The following MARK2 variants were observed in gnomAD, a reference collection of about 807,000 sequenced individuals.
MARK2 encodes serine/threonine-protein kinase MARK2.
MARK2 carries 16 observed loss-of-function variants against 89.8 expected under a neutral mutation model. That is an observed-to-expected ratio of 0.18 (90% CI 0.12 to 0.27). MARK2 has a LOEUF of 0.27. MARK2 is among the 10% of genes least tolerant of loss of function. The pLI is 1.00. For missense variants in MARK2, 621 were observed against 1,049.9 expected (o/e 0.59, Z 5.65); for synonymous variants, 382 against 399.5 (o/e 0.96, Z 0.52).
chr11:63,851,415 T>C (rs1472539676), intron 1 of MARK2, among the ~76,000 whole-genome samples: 1 of 152,030 alleles, frequency 6.6e-6, no homozygotes, highest in East Asian at 2.0e-4. Flanking sequence ...TGAGAGCTCA[T>C]CTCTAAAAAA....
chr11:63,881,385 A>T (rs1434474480), intron 1 of MARK2, among the ~76,000 whole-genome samples: 1 of 152,180 alleles, frequency 6.6e-6, no homozygotes, highest in African/African-American at 2.4e-5. Flanking sequence ...CTTCAAGGGC[A>T]ACGAATGCCT....
At chr11:63,849,852 C>T (rs7944519) in intron 1 of MARK2, 73,221 of 152,026 alleles carry the variant, frequency 0.48, 19,881 homozygotes, top group East Asian at 0.88. Flanking sequence ...TCTGTTTGCT[C>T]ATCTGTAAAA....
chr11:63,890,278 A>T (rs537261940), intron 1 of MARK2: 156 of 1,345,556 alleles, frequency 1.2e-4, no homozygotes, highest in Non-Finnish European at 1.5e-4. Flanking sequence ...CTTACAGCAT[A>T]GAAGAAGGGG....
At chr11:63,884,787 G>A (rs1401940718) in intron 1 of MARK2, among the ~76,000 whole-genome samples, 1 of 152,168 alleles carries the variant, frequency 6.6e-6, no homozygotes, top group Non-Finnish European at 1.5e-5. Flanking sequence ...AGTTGATAGC[G>A]ATAGTTGCTC....
chr11:63,844,010 G>T (rs1245023092), intron 1 of MARK2, among the ~76,000 whole-genome samples: 1 of 152,122 alleles, frequency 6.6e-6, no homozygotes, highest in African/African-American at 2.4e-5. Context: ...TGGCCAGGGG[G>T]TCCTTGGTGG....
chr11:63,882,272 A>G (rs889135431), intron 1 of MARK2, among the ~76,000 whole-genome samples: 22 of 151,970 alleles, frequency 1.4e-4, no homozygotes, highest in African/African-American at 5.3e-4. Context: ...AGCCTGAAAT[A>G]ATAAAAGTTT....
intron 1 of MARK2, among the ~76,000 whole-genome samples, chr11:63,874,478 C>CA (rs1291662378): frequency 6.6e-6 from 1 of 152,106 alleles, no homozygotes; most frequent in Admixed American, 6.5e-5. Flanking sequence ...ACTCCACCCC[C>CA]AAAAAACCCA....
chr11:63,901,692 CTGTGTG>C (rs56308004), intron 11 of MARK2, among the ~76,000 whole-genome samples: 13 of 134,796 alleles, frequency 9.6e-5, no homozygotes, highest in South Asian at 2.4e-4. Context: ...GTGTGTGTAT[CTGTGTG>C]TGTGTGTGTG....
chr11:63,868,561 G>A (rs1245667551), intron 1 of MARK2: 3 of 331,326 alleles, frequency 9.1e-6, no homozygotes, highest in African/African-American at 6.5e-5. Context: ...GCTGGATTGT[G>A]TTAAGAACTC....
intron 1 of MARK2, among the ~76,000 whole-genome samples, chr11:63,841,737 G>T (rs907328674): frequency 2.0e-5 from 3 of 152,240 alleles, no homozygotes; most frequent in Non-Finnish European, 1.5e-5. Context: ...CTGGTGGGGG[G>T]CATTGTGTTC....
At chr11:63,872,876 C>G (rs1052944638) in intron 1 of MARK2, among the ~76,000 whole-genome samples, 2 of 150,498 alleles carry the variant, frequency 1.3e-5, no homozygotes, top group Admixed American at 1.3e-4. Context: ...TCCTCTCCCC[C>G]ACTTCTCCCT....
Position 63,839,445 on chromosome 11 carries a change from G to A in MARK2, c.-62G>A, listed in dbSNP as rs1034586752. ...GAGAAGCCCCGCCCGGCCGGGCTCC[G>A]CGCCTTCCCTTCCCTCCCTTCCTCC... On this transcript the variant is annotated 5_prime_UTR_variant, in exon 1 of 19. Transcript: ENST00000402010. The A allele has an allele frequency of 4.4e-5, 47 of 1,069,084 alleles. No individual in the cohort carries two copies. The highest frequency in any genetic ancestry group is 6.3e-5 in the Non-Finnish European group (46 of 725,936). The allele number at this position is 1,069,084 out of a possible 1,614,324, so 66.2% of individuals were successfully genotyped here. A position where few individuals can be genotyped will look rare whatever the true frequency, so the allele number is the denominator to read the frequency against.
At chr11:63,857,916 C>T (rs1427166662) in intron 1 of MARK2, among the ~76,000 whole-genome samples, 1 of 152,134 alleles carries the variant, frequency 6.6e-6, no homozygotes, top group Admixed American at 6.5e-5. Context: ...GATCTCGGCT[C>T]ATTGCAGTCT....
rs548325758 is a variant in MARK2 at position 63,873,783 on chromosome 11, C to T, written c.55-21376C>T. On this transcript the variant is annotated intron_variant, in intron 1 of 18. Coordinates refer to ENST00000402010, the MANE Select transcript of MARK2 (RefSeq NM_001039469.3). ...GCCTCAGCCTCCCGAGTAGCTGAGA[C>T]TGCAGGCATGCGCCACCACGCCCAG... is the stretch of plus-strand genomic sequence containing the variant. 1.8e-3 allele frequency among the ~76,000 whole-genome samples: 279 copies of T among 152,294 alleles called. 1 individual carries two copies. Among genetic ancestry groups the T allele is most frequent in the South Asian group, 2.1e-3 (10 of 4,830 alleles).
At position 63,904,998 on chromosome 11, in the gene MARK2, C is replaced by A. The variant is rs1222355322; in HGVS notation, c.1889C>A (p.Ala630Asp). The A allele has an allele frequency of 6.2e-7, 1 of 1,613,976 alleles. No homozygotes were observed. The highest frequency in any genetic ancestry group is 8.5e-7 in the Non-Finnish European group (1 of 1,179,988). The change falls in exon 16 of 19, where the codon GCC becomes GAC. Residue 630 changes from alanine (A) to aspartate (D), a missense_variant. Around this residue, in one of 5 missense-constraint regions of MARK2, gnomAD observed 397 missense variants for 567.8 expected, o/e 0.70. Transcript: ENST00000402010. This position sits in a 1 kb window ranked among gnomAD's most constrained non-coding sequence, Gnocchi z 6.3. Reference protein sequence around the residue: ...PSGHSQGRRGASGSIFSKFTS... With the variant: ...PSGHSQGRRGDSGSIFSKFTS... The stretch of plus-strand genomic sequence containing the variant: ...GGCCACAGCCAGGGCCGGCGGGGGG[C>A]CTCTGGGAGCATCTTCAGCAAGTTC...
Position 63,908,923 on chromosome 11 carries a change from T to G in MARK2, c.2053T>G (p.Phe685Val), listed in dbSNP as rs754501625. Residue 685 changes from phenylalanine to valine, a missense_variant, in exon 19 of 19, where the codon TTT (phenylalanine) becomes GTT (valine). Physicochemically the swap from Phe to Val is conservative, Grantham distance 50 (BLOSUM62 -1). This residue lies in a region of MARK2 where 397 missense variants were observed against 567.8 expected (regional missense o/e 0.70). Transcript: ENST00000402010. Reference protein sequence around the residue: ...SGGNDKEKEEFREAKPRSLRF... With the variant: ...SGGNDKEKEEVREAKPRSLRF... ...CGGCAACGACAAAGAAAAGGAAGAA[T>G]TTCGGGAGGCCAAGCCCCGCTCCCT... 2.7e-6 allele frequency: 4 copies of G among 1,508,240 alleles called. No homozygotes were observed. Among genetic ancestry groups the G allele is most frequent in the Non-Finnish European group, 3.6e-6 (4 of 1,121,202 alleles). 93.4% of individuals were successfully genotyped at this position (1,508,240 alleles called of 1,614,324 possible).
intron 1 of MARK2, among the ~76,000 whole-genome samples, chr11:63,869,712 A>G (rs1238731710): frequency 6.6e-6 from 1 of 152,106 alleles, no homozygotes; most frequent in Non-Finnish European, 1.5e-5. Context: ...CCTTAGGTGG[A>G]AGAGATTTTC....
intron 1 of MARK2, among the ~76,000 whole-genome samples, chr11:63,859,568 C>G (rs1937629235): frequency 6.6e-6 from 1 of 151,938 alleles, no homozygotes; most frequent in African/African-American, 2.4e-5. Flanking sequence ...ATCCACCCAC[C>G]TTGGCCTCCC....
chr11:63,854,378 GTTTT>G (rs61469139), intron 1 of MARK2, among the ~76,000 whole-genome samples: 1 of 108,802 alleles, frequency 9.2e-6, no homozygotes, highest in East Asian at 2.7e-4. Context: ...TTTTCTATTT[GTTTT>G]TTTTTTTTTT....
Sources: allele counts gnomAD v4.1 joint callset (sites outside exome capture counted in the v4.1 genomes callset), GRCh38; gene constraint gnomAD v4.1.1; regional missense constraint gnomAD v4.1.1; non-coding constraint Gnocchi (gnomAD v3.1); transcripts MANE v1.5; gene names NCBI Gene and HGNC (gene_info 2026-07-23, HGNC 2026-07-21).